Variants in EPM2A observed in about 807,000 individuals in gnomAD.
EPM2A encodes the protein laforin.
EPM2A carries 21 observed loss-of-function variants against 26.5 expected under a neutral mutation model. That is an observed-to-expected ratio of 0.79 (90% CI 0.56 to 1.14). The LOEUF (loss-of-function observed/expected upper bound fraction) is 1.14, where lower values mean the gene tolerates loss of function less well. Among genes scored for constraint, EPM2A ranks in the 50% most tolerant of loss-of-function variants. The pLI, the probability that EPM2A is intolerant of heterozygous loss-of-function variation, is 0.00. For synonymous variants in EPM2A, 217 were observed against 177.6 expected (o/e 1.22, Z -1.76); for missense variants, 458 against 440.8 (o/e 1.04, Z -0.35).
chr6:145,609,126 C>G (rs766377390), intron 2 of EPM2A, among the ~76,000 whole-genome samples: 1 of 152,116 alleles, frequency 6.6e-6, no homozygotes, highest in Non-Finnish European at 1.5e-5. Context: ...ATAGTAAAAT[C>G]CTGGCATGTC....
At chr6:145,522,118 A>AT (rs1049492939) in intron 2 of EPM2A, among the ~76,000 whole-genome samples, 6 of 151,958 alleles carry the variant, frequency 3.9e-5, no homozygotes, top group Non-Finnish European at 7.4e-5. Flanking sequence ...ACGCCCAGCC[A>AT]TTTTTTTGTA....
In EPM2A at chr6:145,525,736, C is replaced by T. The variant is rs370156335; in HGVS notation, c.341-23161G>A. Among the ~76,000 whole-genome samples, 13 of 152,006 alleles carry T rather than the reference C, an allele frequency of 8.6e-5. No individual in the cohort carries two copies. In the East Asian group the frequency reaches 1.5e-3, roughly 18 times the overall value. Reference sequence around the variant, plus strand: ...TTTCTAGGTATGGAATAATATTTTCCGTGAGGAGAAATAATTTGACTTATT... The same window carrying T: ...TTTCTAGGTATGGAATAATATTTTCTGTGAGGAGAAATAATTTGACTTATT... On this transcript the variant is annotated intron_variant, in intron 2 of 3. Transcript: ENST00000450221.
intron 2 of EPM2A, among the ~76,000 whole-genome samples, chr6:145,534,044 A>C (rs780067246): frequency 6.6e-6 from 1 of 151,826 alleles, no homozygotes; most frequent in African/African-American, 2.4e-5. Flanking sequence ...AAATTAAACT[A>C]TAAAATTTGT....
At chr6:145,491,234 G>T (rs893053472) in intron 4 of EPM2A, 2 of 390,266 alleles carry the variant, frequency 5.1e-6, no homozygotes, top group African/African-American at 4.2e-5. Context: ...TGGTGTGCAG[G>T]GGCTGGGGCT....
chr6:145,665,846 A>G (rs925693120), intron 2 of EPM2A, among the ~76,000 whole-genome samples: 17 of 145,734 alleles, frequency 1.2e-4, no homozygotes, highest in Admixed American at 4.2e-4. Flanking sequence ...CCTGGGATGC[A>G]AGGCTGGTTC....
At chr6:145,638,160 T>A (rs932674578) in intron 2 of EPM2A, 2 of 152,206 alleles carry the variant, frequency 1.3e-5, no homozygotes, top group Non-Finnish European at 2.9e-5. Context: ...TTTTCTTGAA[T>A]ATTGCACTCT....
At chr6:145,508,930 A>G (rs1339306032) in intron 2 of EPM2A, among the ~76,000 whole-genome samples, 1 of 152,254 alleles carries the variant, frequency 6.6e-6, no homozygotes, top group East Asian at 1.9e-4. Flanking sequence ...AAAATTTACT[A>G]AAAGAATTTC....
At chr6:145,384,999 C>G (rs1223037446) in intron 4 of EPM2A, among the ~76,000 whole-genome samples, 1 of 147,598 alleles carries the variant, frequency 6.8e-6, no homozygotes, top group Admixed American at 6.9e-5. Flanking sequence ...AAACTACTGT[C>G]AATAATCTTC....
At chr6:145,639,931 T>G (rs943991955) in intron 2 of EPM2A, 1 of 152,222 alleles carries the variant, frequency 6.6e-6, no homozygotes, top group African/African-American at 2.4e-5. Context: ...AAATCTACCC[T>G]AGTAGTATTA....
At chr6:145,507,451 T>C (rs1177404352) in intron 2 of EPM2A, among the ~76,000 whole-genome samples, 1 of 152,154 alleles carries the variant, frequency 6.6e-6, no homozygotes, top group Non-Finnish European at 1.5e-5. Context: ...GATTCACCTT[T>C]CCACTAGGGA....
intron 4 of EPM2A, among the ~76,000 whole-genome samples, chr6:145,465,122 T>C (rs1562345509): frequency 6.6e-6 from 1 of 152,032 alleles, no homozygotes; most frequent in Non-Finnish European, 1.5e-5. Context: ...CAATCAGACG[T>C]AGATTTGGTC....
intron 4 of EPM2A, among the ~76,000 whole-genome samples, chr6:145,448,791 C>T (rs1779156403): frequency 1.3e-5 from 2 of 152,076 alleles, no homozygotes; most frequent in South Asian, 4.1e-4. Context: ...ACATTTGAAA[C>T]TTAAAAGATA....
intron 1 of EPM2A, among the ~76,000 whole-genome samples, chr6:145,720,265 T>C (rs1216888491): frequency 2.0e-5 from 3 of 152,188 alleles, no homozygotes; most frequent in Non-Finnish European, 4.4e-5. Flanking sequence ...ATGGGATACT[T>C]CTTCATTGTA....
chr6:145,712,154 T>C (rs575615940), intron 1 of EPM2A, among the ~76,000 whole-genome samples: 2 of 152,236 alleles, frequency 1.3e-5, no homozygotes, highest in African/African-American at 2.4e-5. Context: ...CAGCATTTTA[T>C]GATAGATAAT....
chr6:145,480,485 A>G (rs541616713), intron 4 of EPM2A, among the ~76,000 whole-genome samples: 6 of 152,168 alleles, frequency 3.9e-5, no homozygotes, highest in African/African-American at 1.4e-4. Context: ...GCTGTAAGAG[A>G]TCTTTTTATA....
chr6:145,538,022 T>G (rs976848112), intron 2 of EPM2A, among the ~76,000 whole-genome samples: 1 of 152,082 alleles, frequency 6.6e-6, no homozygotes, highest in African/African-American at 2.4e-5. Context: ...TTTGGGTTGG[T>G]TCCAAGTCTT....
At chr6:145,724,131 G>T (rs991309590) in intron 1 of EPM2A, among the ~76,000 whole-genome samples, 1 of 151,966 alleles carries the variant, frequency 6.6e-6, no homozygotes, top group African/African-American at 2.4e-5. Context: ...ACCTGCCTTT[G>T]TAAACCTTCA....
chr6:145,659,533 T>C (rs1449459880), intron 2 of EPM2A, among the ~76,000 whole-genome samples: 1 of 152,202 alleles, frequency 6.6e-6, no homozygotes, highest in East Asian at 1.9e-4. Flanking sequence ...AAAATAATTG[T>C]TCCTTAAAAT....
At chr6:145,629,349 C>T (rs986302322) in intron 3 of EPM2A, 1 of 152,252 alleles carries the variant, frequency 6.6e-6, no homozygotes, top group Non-Finnish European at 1.5e-5. Context: ...ACCACCACAC[C>T]TGATTCCACG....
Sources: allele counts gnomAD v4.1 joint callset (sites outside exome capture counted in the v4.1 genomes callset), GRCh38; gene constraint gnomAD v4.1.1; transcripts MANE v1.5; gene names NCBI Gene and HGNC (gene_info 2026-07-23, HGNC 2026-07-21).